Variants in CTTNBP2NL observed in about 807,000 individuals in gnomAD.
CTTNBP2NL encodes CTTNBP2 N-terminal like, also known as CTTNBP2 N-terminal-like protein.
Under a neutral mutation model 32.5 loss-of-function variants are expected in CTTNBP2NL, and 16 were observed. The observed-to-expected ratio is 0.49, with a 90% confidence interval of 0.33 to 0.75. The LOEUF is 0.75. CTTNBP2NL is among the 30% of genes least tolerant of loss of function. The pLI is 0.02. For missense variants in CTTNBP2NL, 645 were observed against 756.0 expected, an observed-to-expected ratio of 0.85 and a Z score of 1.72; for synonymous variants, 298 against 289.4, an observed-to-expected ratio of 1.03 and a Z score of -0.30.
chr1:112,440,095 T>C (rs1009898204), intron 3 of CTTNBP2NL, among the ~76,000 whole-genome samples: 7 of 152,230 alleles, frequency 4.6e-5, no homozygotes, highest in Admixed American at 2.6e-4. Flanking sequence ...ACGTTGCTTA[T>C]AATACACAGT....
intron 3 of CTTNBP2NL, among the ~76,000 whole-genome samples, chr1:112,417,083 A>G (rs529078641): frequency 6.6e-6 from 1 of 152,134 alleles, no homozygotes; most frequent in East Asian, 1.9e-4. Context: ...CATAATTAGG[A>G]TAGGAGTGGA....
intron 4 of CTTNBP2NL, among the ~76,000 whole-genome samples, chr1:112,451,786 A>C (rs1309440281): frequency 7.4e-6 from 1 of 134,986 alleles, no homozygotes; most frequent in Non-Finnish European, 1.6e-5. Context: ...AAAAAAAAAC[A>C]CAAAACAAAC....
At position 112,456,808 on chromosome 1, in the gene CTTNBP2NL, G is replaced by T; in HGVS notation, c.1316G>T (p.Gly439Val). The T allele has an allele frequency of 6.2e-7, 1 of 1,614,012 alleles. No homozygotes were observed. Among genetic ancestry groups the T allele is most frequent in the Non-Finnish European group, 8.5e-7 (1 of 1,180,026 alleles). Residue 439 changes from glycine to valine, a missense_variant, in exon 6 of 6, where the codon GGG becomes GTG. Transcript: ENST00000271277. ...SSPVLTKRLLGSSASSPGYQS... is the reference protein window; with the variant it reads ...SSPVLTKRLLVSSASSPGYQS... ...CCGGTACTCACTAAGCGTTTATTGG[G>T]GTCATCAGCTAGCAGCCCTGGCTAC...
At chr1:112,436,467 G>A (rs1021979989) in intron 3 of CTTNBP2NL, among the ~76,000 whole-genome samples, 1 of 152,100 alleles carries the variant, frequency 6.6e-6, no homozygotes, top group Non-Finnish European at 1.5e-5. Flanking sequence ...TGTCACCAAA[G>A]ATCACTCCTG....
In CTTNBP2NL at chr1:112,456,782, G is replaced by C; in HGVS notation, c.1290G>C (p.Ser430=). ...CTCTAACATCCTCTCCTTGCTCTTCGCCGGTACTCACTAAGCGTTTATTGG... is the reference window on the plus strand; with the variant it reads ...CTCTAACATCCTCTCCTTGCTCTTCCCCGGTACTCACTAAGCGTTTATTGG... The part of the protein sequence containing the change: ...SSSLTSSPCS[S]PVLTKRLLGS... The change falls in exon 6 of 6, where the codon TCG becomes TCC. Residue 430 remains serine, a synonymous_variant. Transcript: ENST00000271277. 1.2e-6 allele frequency: 2 copies of C among 1,613,942 alleles called. No individual in the cohort carries two copies. The highest frequency in any genetic ancestry group is 1.7e-6 in the Non-Finnish European group (2 of 1,180,014).
chr1:112,434,311 C>A (rs1649663460), intron 3 of CTTNBP2NL, among the ~76,000 whole-genome samples: 1 of 152,174 alleles, frequency 6.6e-6, no homozygotes, highest in African/African-American at 2.4e-5. Flanking sequence ...CCCTAAAAGC[C>A]TGTGTGTTCT....
At position 112,416,187 on chromosome 1, in the gene CTTNBP2NL, A is replaced by G. The variant is rs200892936; in HGVS notation, c.22A>G (p.Lys8Glu). Reference sequence around the variant, plus strand: ...CAAGATGAATCTGGAAAAACTCAGCAAGCCTGAACTCCTGACACTATTTAG... The same window carrying G: ...CAAGATGAATCTGGAAAAACTCAGCGAGCCTGAACTCCTGACACTATTTAG... MNLEKLS[K>E]PELLTLFSIL... Residue 8 changes from lysine (K) to glutamate (E), a missense_variant, in exon 3 of 6, where the codon AAG (lysine) becomes GAG (glutamate). Coordinates refer to ENST00000271277, the MANE Select transcript of CTTNBP2NL (RefSeq NM_018704.3). 2 of 1,604,252 alleles carry G rather than the reference A, an allele frequency of 1.2e-6. No individual in the cohort carries two copies. Among genetic ancestry groups the G allele is most frequent in the Non-Finnish European group, 1.7e-6 (2 of 1,175,896 alleles).
At chr1:112,402,277 G>A (rs1648528568) in intron 1 of CTTNBP2NL, among the ~76,000 whole-genome samples, 1 of 152,120 alleles carries the variant, frequency 6.6e-6, no homozygotes. Flanking sequence ...AATTAGCCAG[G>A]CATGTTAGCA....
chr1:112,454,788 A>T (rs572559366), intron 5 of CTTNBP2NL, among the ~76,000 whole-genome samples: 1 of 152,342 alleles, frequency 6.6e-6, no homozygotes, highest in African/African-American at 2.4e-5. Flanking sequence ...TGTGTTTAGC[A>T]AATCCATGGT....
rs1557901050 is a variant in CTTNBP2NL, at chr1:112,459,538, G to A, written c.*2126G>A. 6.6e-6 allele frequency: 1 copy of A among 152,188 alleles called. No individual in the cohort carries two copies. The highest frequency in any genetic ancestry group is 1.5e-5 in the Non-Finnish European group (1 of 68,024). 9.4% of individuals were successfully genotyped at this position (152,188 alleles called of 1,614,324 possible). A position where few individuals can be genotyped will look rare whatever the true frequency, so the allele number is the denominator to read the frequency against. Reference sequence around the variant, plus strand: ...AATGGAGTATATTGGCAACTCCACAGCTTATAGTTTGATAAAGGCAAATAC... The same window carrying A: ...AATGGAGTATATTGGCAACTCCACAACTTATAGTTTGATAAAGGCAAATAC... On this transcript the variant is annotated 3_prime_UTR_variant, in exon 6 of 6. Coordinates refer to ENST00000271277, the MANE Select transcript of CTTNBP2NL (RefSeq NM_018704.3).
chr1:112,415,604 T>C (rs1649034052), intron 2 of CTTNBP2NL, among the ~76,000 whole-genome samples: 1 of 150,806 alleles, frequency 6.6e-6, no homozygotes, highest in Non-Finnish European at 1.5e-5. Flanking sequence ...TCGCCCAGGC[T>C]GGAGTACAGT....
intron 3 of CTTNBP2NL, among the ~76,000 whole-genome samples, chr1:112,421,163 C>A (rs143500799): frequency 0.012 from 1,834 of 152,016 alleles, 40 homozygotes; most frequent in African/African-American, 0.042. Context: ...TAAGGCCAGG[C>A]ACTGTGGCTT....
chr1:112,434,504 C>T (rs1649669521), intron 3 of CTTNBP2NL, among the ~76,000 whole-genome samples: 1 of 152,100 alleles, frequency 6.6e-6, no homozygotes, highest in African/African-American at 2.4e-5. Flanking sequence ...ACTTTAGATC[C>T]AAATGGTCTC....
chr1:112,452,647 T>G (rs1046050768), intron 4 of CTTNBP2NL, among the ~76,000 whole-genome samples: 2 of 144,910 alleles, frequency 1.4e-5, no homozygotes, highest in African/African-American at 5.1e-5. Context: ...CCTGGCCTCT[T>G]TTTTTTTTTT....
At chr1:112,420,409 C>T in intron 3 of CTTNBP2NL, among the ~76,000 whole-genome samples, 1 of 152,218 alleles carries the variant, frequency 6.6e-6, no homozygotes, top group Non-Finnish European at 1.5e-5. Context: ...TCCCAAAGTG[C>T]TGGGATTACA....
In CTTNBP2NL at chr1:112,458,268, A is replaced by AT. The variant is rs534369161; in HGVS notation, c.*862dup. 5 of 152,620 alleles carry AT rather than the reference A, an allele frequency of 3.3e-5. No homozygotes were observed. Among genetic ancestry groups the AT allele is most frequent in the Non-Finnish European group, 7.3e-5 (5 of 68,032 alleles). The allele number at this position is 152,620 out of a possible 1,614,324, so 9.5% of individuals were successfully genotyped here. A position where few individuals can be genotyped will look rare whatever the true frequency, so the allele number is the denominator to read the frequency against. The stretch of plus-strand genomic sequence containing the variant: ...GTATAAAAGTTTTGCAAGAGAATGA[A>AT]TTTTTTATTCTGTAATCAAAAAGCA... On this transcript the variant is annotated 3_prime_UTR_variant, in exon 6 of 6. Coordinates refer to ENST00000271277, the MANE Select transcript of CTTNBP2NL (RefSeq NM_018704.3).
chr1:112,456,718 G>C lies in CTTNBP2NL; in HGVS notation c.1226G>C (p.Ser409Thr). The change falls in exon 6 of 6, where the codon AGT becomes ACT. Residue 409 changes from serine to threonine, a missense_variant. Transcript: ENST00000271277. ...CCAATGCCCAGTCCCCTCTCTTCCA[G>C]TGGGAGCTCACTGTCTCCCAGCAGC... Reference protein sequence around the residue: ...PVPMPSPLSSSGSSLSPSSTA... With the variant: ...PVPMPSPLSSTGSSLSPSSTA... 6.2e-7 allele frequency: 1 copy of C among 1,614,074 alleles called. No individual in the cohort carries two copies. Among genetic ancestry groups the C allele is most frequent in the Non-Finnish European group, 8.5e-7 (1 of 1,179,978 alleles).
upstream of CTTNBP2NL, among the ~76,000 whole-genome samples, chr1:112,391,932 G>A (rs1018364518): frequency 2.6e-5 from 4 of 151,912 alleles, no homozygotes; most frequent in Admixed American, 6.6e-5. Context: ...CAGAGGTTGC[G>A]GTGAGCAGAG....
At chr1:112,430,666 G>C (rs569186248) in intron 3 of CTTNBP2NL, among the ~76,000 whole-genome samples, 8 of 147,894 alleles carry the variant, frequency 5.4e-5, no homozygotes, top group Admixed American at 4.8e-4. Flanking sequence ...TGATTCTCCC[G>C]CCTCAGCCTC....
Sources: gnomAD v4.1 joint callset for allele counts (sites outside exome capture counted in the v4.1 genomes callset) on GRCh38, gnomAD v4.1.1 for gene constraint, MANE v1.5 for transcripts, NCBI Gene and HGNC (gene_info 2026-07-23, HGNC 2026-07-21) for gene names.